Variants in DGKK observed in about 807,000 individuals in gnomAD.
DGKK encodes 142 kDa diacylglycerol kinase.
DGKK carries 35 observed loss-of-function variants against 92.2 expected under a neutral mutation model. The observed-to-expected ratio is 0.38, with a 90% CI of 0.29 to 0.50. DGKK has a LOEUF of 0.50. Ranked by LOEUF, DGKK falls within the 20% of genes least tolerant of loss-of-function variation. The pLI is 0.92. For missense variants in DGKK, 910 were observed against 992.2 expected (o/e 0.92, Z 1.11); for synonymous variants, 368 against 360.6 (o/e 1.02, Z -0.23).
intron 4 of DGKK, among the ~76,000 whole-genome samples, chrX:50,409,492 A>G (rs1446267448): frequency 2.7e-5 from 3 of 112,133 alleles, no homozygotes; most frequent in African/African-American, 9.7e-5. Context: ...ACAGTATATC[A>G]TTACAGGTCT....
At position 50,456,841 on chromosome X, in the gene DGKK, G is replaced by A. The variant is rs143381208; in HGVS notation, c.645+13193C>T. ...CTGCTTACCACCGCCTACTGGTAAT[G>A]CAAAGGTTTGCACAGGGTGCTATGG... On this transcript the variant is annotated intron_variant, in intron 1 of 27. Transcript: ENST00000611977. Among the ~76,000 whole-genome samples the A allele has an allele frequency of 7.7e-3, 863 of 111,485 alleles. 9 individuals are homozygous for A. The highest frequency in any genetic ancestry group is 0.027 in the African/African-American group (838 of 30,674).
chrX:50,407,547 G>A (rs948937942), intron 4 of DGKK, among the ~76,000 whole-genome samples: 1 of 110,543 alleles, frequency 9.0e-6, no homozygotes, highest in Non-Finnish European at 1.9e-5. Flanking sequence ...TTATTATAAG[G>A]CCACTAATCC....
At chrX:50,401,773 C>T (rs1925012601) in intron 7 of DGKK, among the ~76,000 whole-genome samples, 1 of 110,851 alleles carries the variant, frequency 9.0e-6, no homozygotes, top group African/African-American at 3.3e-5. Context: ...AGAGGACAAC[C>T]AGAGTCTTCT....
At chrX:50,386,173 C>T (rs1924539042) in intron 15 of DGKK, among the ~76,000 whole-genome samples, 185 bp downstream of exon 15, 1 of 111,398 alleles carries the variant, frequency 9.0e-6, no homozygotes, top group Admixed American at 9.5e-5. Context: ...AAAGGGGCAG[C>T]TTAGCAGGAC....
At chrX:50,382,452 T>C (rs371175247) in intron 18 of DGKK, 44 bp downstream of exon 18, 13 of 945,574 alleles carry the variant, frequency 1.4e-5, no homozygotes, top group Non-Finnish European at 2.0e-5. Context: ...ATGTGTATTG[T>C]GATAGTGTGT....
At chrX:50,436,532 G>A (rs1404295956) in intron 1 of DGKK, among the ~76,000 whole-genome samples, 2 of 112,179 alleles carry the variant, frequency 1.8e-5, no homozygotes, top group African/African-American at 3.2e-5. Context: ...AGGCAGATTT[G>A]GCAGGAGTTT....
intron 5 of DGKK, among the ~76,000 whole-genome samples, 151 bp from the exon 6 acceptor site, chrX:50,403,748 T>G (rs1165455657): frequency 8.9e-6 from 1 of 111,827 alleles, no homozygotes; most frequent in Non-Finnish European, 1.9e-5. Context: ...TAGGATCCAG[T>G]TCCTTTTTAT....
intron 22 of DGKK, among the ~76,000 whole-genome samples, chrX:50,377,725 G>T (rs1273261546): frequency 2.7e-5 from 3 of 112,358 alleles, no homozygotes; most frequent in Non-Finnish European, 5.6e-5. Context: ...TGAAGGAGAA[G>T]ATTTTTCCAT....
chrX:50,368,956 G>A lies in DGKK; in HGVS notation c.3800C>T (p.Ser1267Leu), dbSNP rs1557222779. Residue 1267 changes from serine to leucine, a missense_variant, in exon 28 of 28, where the codon TCG becomes TTG. Coordinates refer to ENST00000611977, the MANE Select transcript of DGKK (RefSeq NM_001013742.4). ...TTTCAAGGGCTACAGTTGAGATCTCGATGGTGTTAGAGGATCATCACCCTC... is the reference window on the plus strand; with the variant it reads ...TTTCAAGGGCTACAGTTGAGATCTCAATGGTGTTAGAGGATCATCACCCTC... ...EAEGDDPLTPSRSQL is the reference protein window; with the variant it reads ...EAEGDDPLTPLRSQL 3.3e-6 allele frequency: 4 copies of A among 1,206,272 alleles called. No homozygotes were observed. Among genetic ancestry groups the A allele is most frequent in the East Asian group, 5.9e-5 (2 of 33,668 alleles).
In DGKK at chrX:50,376,928, A is replaced by G. The variant is rs7879090; in HGVS notation, c.3112-10T>C. 4.3e-3 allele frequency: 5,113 copies of G among 1,180,503 alleles called. 150 individuals carry two copies. The African/African-American group carries it at 0.081, about 19-fold the overall frequency. ...TTGAGTTCTCAAAGTCCTGGAGATG[A>G]ATACAGTGGCATATCCTAATGATTG... On this transcript the variant is annotated splice_polypyrimidine_tract_variant and intron_variant, in intron 22 of 27. Transcript: ENST00000611977.
chrX:50,462,143 C>G (rs1926760914), intron 1 of DGKK, among the ~76,000 whole-genome samples: 1 of 111,504 alleles, frequency 9.0e-6, no homozygotes, highest in African/African-American at 3.3e-5. Context: ...TATGATTTTT[C>G]CCCAGAAGGT....
intron 1 of DGKK, among the ~76,000 whole-genome samples, chrX:50,469,161 G>C (rs1926986304): frequency 9.0e-6 from 1 of 111,232 alleles, no homozygotes; most frequent in African/African-American, 3.3e-5. Context: ...GATTTAGAAG[G>C]CGTCGCGGTA....
In DGKK at chrX:50,470,403, T is replaced by G. The variant is rs1557234448; in HGVS notation, c.276A>C (p.Glu92Asp). The change falls in exon 1 of 28, where the codon GAA becomes GAC. Residue 92 changes from glutamate to aspartate, a missense_variant. Transcript: ENST00000611977. Reference sequence around the variant, plus strand: ...GCTCTGTGGCAGGTTCTGGGGCCGGTTCTGAGGCCGGCTCTGTGGCTGGTT... The same window carrying G: ...GCTCTGTGGCAGGTTCTGGGGCCGGGTCTGAGGCCGGCTCTGTGGCTGGTT... Reference protein sequence around the residue: ...TPEPATEPASEPAPEPATEPA... With the variant: ...TPEPATEPASDPAPEPATEPA... 1.7e-6 allele frequency: 2 copies of G among 1,207,353 alleles called. No homozygotes were observed. Among genetic ancestry groups the G allele is most frequent in the Non-Finnish European group, 2.2e-6 (2 of 891,795 alleles).
intron 1 of DGKK, among the ~76,000 whole-genome samples, chrX:50,443,593 C>A (rs1280405686): frequency 1.8e-5 from 2 of 110,705 alleles, no homozygotes; most frequent in Admixed American, 1.9e-4. Context: ...TCACCTAGCT[C>A]CCCCAATGTT....
chrX:50,380,393 C>T (rs782606585), intron 18 of DGKK, among the ~76,000 whole-genome samples: 6 of 111,167 alleles, frequency 5.4e-5, no homozygotes, highest in Non-Finnish European at 1.1e-4. Flanking sequence ...AAGCTATGAG[C>T]GTAGCTGGCT....
chrX:50,462,882 C>CTTTTTTTTTTTTTTTTT (rs548003185), intron 1 of DGKK, among the ~76,000 whole-genome samples: 1 of 15,766 alleles, frequency 6.3e-5, no homozygotes, highest in African/African-American at 1.2e-4. Flanking sequence ...CCTTTCCTTG[C>CTTTTTTTTTTTTTTTTT]TTTTTTTTTT....
intron 1 of DGKK, among the ~76,000 whole-genome samples, chrX:50,435,207 A>G (rs1426204764): frequency 8.9e-6 from 1 of 112,659 alleles, no homozygotes; most frequent in Non-Finnish European, 1.9e-5. Context: ...GCATGCCTGT[A>G]TGTAACTTAT....
intron 1 of DGKK, among the ~76,000 whole-genome samples, chrX:50,437,193 A>G (rs1926051712): frequency 9.0e-6 from 1 of 111,557 alleles, no homozygotes; most frequent in African/African-American, 3.3e-5. Flanking sequence ...GCAACTTCCC[A>G]CAGCTTGTTC....
intron 26 of DGKK, 120 bp downstream of exon 26, chrX:50,371,604 T>G: frequency 4.0e-6 from 2 of 495,035 alleles, no homozygotes; most frequent in Non-Finnish European, 3.3e-6. Context: ...TAACCTTCAG[T>G]TTAAAGCCAG....
Sources: allele counts gnomAD v4.1 joint callset (sites outside exome capture counted in the v4.1 genomes callset), GRCh38; gene constraint gnomAD v4.1.1; transcripts MANE v1.5; gene names NCBI Gene and HGNC (gene_info 2026-07-23, HGNC 2026-07-21).